FRYL: variants seen among roughly 807,000 people sequenced by gnomAD.
The protein encoded by FRYL is FRY like transcription coactivator.
A neutral mutation model predicts 351.2 loss-of-function variants in FRYL; 150 were observed. The observed-to-expected ratio is 0.43, with a 90% CI of 0.37 to 0.49. FRYL has a LOEUF of 0.49. Among genes scored for constraint, FRYL ranks in the 20% least tolerant of loss-of-function variants. The probability of loss-of-function intolerance (pLI) is 0.00; values close to 1 mark genes in which losing one functional copy is unlikely to be tolerated. For missense variants in FRYL, 3,036 were observed against 3,619.3 expected (o/e 0.84, Z 4.13); for synonymous variants, 1,153 against 1,257.1 (o/e 0.92, Z 1.75).
intron 1 of FRYL, among the ~76,000 whole-genome samples, chr4:48,736,090 G>C (rs1408694953): frequency 6.6e-6 from 1 of 151,718 alleles, no homozygotes; most frequent in Non-Finnish European, 1.5e-5. Flanking sequence ...AAAATACTTG[G>C]AGATTAAACA....
At chr4:48,762,497 G>A (rs2109375671) in intron 1 of FRYL, among the ~76,000 whole-genome samples, 1 of 152,276 alleles carries the variant, frequency 6.6e-6, no homozygotes, top group Non-Finnish European at 1.5e-5. Context: ...CTAAGGAAAG[G>A]TTACAGACAC....
At chr4:48,754,774 T>C (rs1336413355) in intron 1 of FRYL, among the ~76,000 whole-genome samples, 1 of 151,704 alleles carries the variant, frequency 6.6e-6, no homozygotes, top group Non-Finnish European at 1.5e-5. Context: ...TCCAAGTCGC[T>C]GGGACTACAG....
At chr4:48,609,875 A>G in intron 7 of FRYL, 52 bp from the exon 8 acceptor site, 1 of 910,526 alleles carries the variant, frequency 1.1e-6, no homozygotes, top group Non-Finnish European at 1.7e-6. Context: ...GTTTTTTATG[A>G]GTATTCTCAT....
At chr4:48,516,068 G>T (rs1723528530) in intron 55 of FRYL, among the ~76,000 whole-genome samples, 2 of 152,100 alleles carry the variant, frequency 1.3e-5, no homozygotes, top group Non-Finnish European at 2.9e-5. Flanking sequence ...GACAACTAGG[G>T]TGGCCTTACT....
At chr4:48,511,942 T>C (rs1722571935) in intron 57 of FRYL, among the ~76,000 whole-genome samples, 1 of 152,146 alleles carries the variant, frequency 6.6e-6, no homozygotes, top group African/African-American at 2.4e-5. Context: ...AAATCTACAT[T>C]CCATAGTTGT....
At chr4:48,757,680 C>T (rs1406194013) in intron 1 of FRYL, among the ~76,000 whole-genome samples, 2 of 152,126 alleles carry the variant, frequency 1.3e-5, no homozygotes, top group African/African-American at 4.8e-5. Context: ...GTAATTTATA[C>T]ATTCAATGCC....
chr4:48,601,921 C>A, intron 13 of FRYL, 99 bp downstream of exon 13: 5 of 633,266 alleles, frequency 7.9e-6, no homozygotes, highest in Middle Eastern at 4.5e-4. Flanking sequence ...TCAAGTATAC[C>A]AATAGTAACA....
intron 15 of FRYL, 81 bp from the exon 16 acceptor site, chr4:48,594,097 C>A: frequency 1.3e-6 from 1 of 758,476 alleles, no homozygotes; most frequent in Non-Finnish European, 2.0e-6. Flanking sequence ...TATACAATGA[C>A]AACAAGACAG....
chr4:48,595,073 G>A (rs1744324022), intron 15 of FRYL, among the ~76,000 whole-genome samples: 1 of 152,218 alleles, frequency 6.6e-6, no homozygotes, highest in Non-Finnish European at 1.5e-5. Flanking sequence ...TTACTGGTGA[G>A]GACCGTAGCA....
chr4:48,561,140 A>T (rs1735420759), intron 33 of FRYL, among the ~76,000 whole-genome samples: 1 of 152,236 alleles, frequency 6.6e-6, no homozygotes, highest in South Asian at 2.1e-4. Context: ...CACAAAATAC[A>T]ATGTATTCAA....
chr4:48,553,606 A>G (rs1241067191), intron 35 of FRYL, among the ~76,000 whole-genome samples: 2 of 151,434 alleles, frequency 1.3e-5, no homozygotes, highest in Non-Finnish European at 2.9e-5. Context: ...TGAACTGAGT[A>G]TGTTTAGCGG....
rs1036330633 is a variant in FRYL at position 48,497,993 on chromosome 4, G to GAA, written c.*1427_*1428dup. 1 of 151,692 alleles carries GAA rather than the reference G, an allele frequency of 6.6e-6. No individual in the cohort carries two copies. Among genetic ancestry groups the GAA allele is most frequent in the African/African-American group, 2.4e-5 (1 of 41,220 alleles). 9.4% of individuals were successfully genotyped at this position (151,692 alleles called of 1,614,324 possible). Reference sequence around the variant, plus strand: ...TGGAATCACAGAGCCCAGTTTAAAAGAAAAGTCACAGTGGATAAGAGATGT... The same window carrying GAA: ...TGGAATCACAGAGCCCAGTTTAAAAGAAAAAAGTCACAGTGGATAAGAGATGT... On this transcript the variant is annotated 3_prime_UTR_variant, in exon 64 of 64. Transcript: ENST00000358350.
Position 48,514,098 on chromosome 4 carries a change from A to G in FRYL, c.7937+930T>C, listed in dbSNP as rs534690458. Among the ~76,000 whole-genome samples the G allele has an allele frequency of 1.2e-4, 18 of 152,308 alleles. No homozygotes were observed. The East Asian group carries it at 3.1e-3, about 26-fold the overall frequency. On this transcript the variant is annotated intron_variant, in intron 56 of 63. Coordinates refer to ENST00000358350, the MANE Select transcript of FRYL (RefSeq NM_015030.2). Reference sequence around the variant, plus strand: ...TGTTGATGGTAAAAAAAAATCTCCAATGTGTTGTATGTGTTAAAACTCTAT... The same window carrying G: ...TGTTGATGGTAAAAAAAAATCTCCAGTGTGTTGTATGTGTTAAAACTCTAT...
intron 7 of FRYL, 171 bp downstream of exon 7, chr4:48,619,103 T>A: frequency 4.1e-6 from 2 of 486,896 alleles, no homozygotes. Context: ...AGATAACAGA[T>A]AGGTACAGGG....
At chr4:48,739,272 G>A (rs1771778643) in intron 1 of FRYL, among the ~76,000 whole-genome samples, 1 of 152,040 alleles carries the variant, frequency 6.6e-6, no homozygotes, top group East Asian at 1.9e-4. Context: ...ATGGTGGCAT[G>A]TGCCTGTAAT....
At chr4:48,564,478 A>G (rs1185175921) in intron 30 of FRYL, among the ~76,000 whole-genome samples, 3 of 152,342 alleles carry the variant, frequency 2.0e-5, no homozygotes, top group Non-Finnish European at 2.9e-5. Context: ...TTCTGAGGGG[A>G]AAAAATGTAA....
intron 2 of FRYL, among the ~76,000 whole-genome samples, chr4:48,697,214 G>A (rs540260261): frequency 1.3e-5 from 2 of 151,996 alleles, no homozygotes; most frequent in South Asian, 4.1e-4. Flanking sequence ...ATAACAGCCT[G>A]AAAATTATGA....
At position 48,549,784 on chromosome 4, in the gene FRYL, T is replaced by A. The variant is rs191466758; in HGVS notation, c.4634-161A>T. On this transcript the variant is annotated intron_variant, in intron 38 of 63. Coordinates refer to ENST00000358350, the MANE Select transcript of FRYL (RefSeq NM_015030.2). This position sits in a 1 kb window ranked among gnomAD's most constrained non-coding sequence, Gnocchi z 4.2. ...TAGGAAAATCTAGGCACAAATATTATCAAATTAAGCAAACCAGGGAGAGGG... is the reference window on the plus strand; with the variant it reads ...TAGGAAAATCTAGGCACAAATATTAACAAATTAAGCAAACCAGGGAGAGGG... 2.1e-3 allele frequency among the ~76,000 whole-genome samples: 317 copies of A among 152,308 alleles called. No homozygotes were observed. The highest frequency in any genetic ancestry group is 7.9e-3 in the South Asian group (38 of 4,826).
chr4:48,623,094 G>C, intron 5 of FRYL, 32 bp downstream of exon 5: 1 of 1,470,664 alleles, frequency 6.8e-7, no homozygotes. Context: ...CTATTTCCAG[G>C]GGAAAAAAAA....
Sources: gnomAD v4.1 joint callset for allele counts (sites outside exome capture counted in the v4.1 genomes callset) on GRCh38, gnomAD v4.1.1 for gene constraint, Gnocchi (gnomAD v3.1) non-coding constraint, MANE v1.5 for transcripts, NCBI Gene and HGNC (gene_info 2026-07-23, HGNC 2026-07-21) for gene names.